Variants in KCNMA1 observed in about 807,000 individuals in gnomAD.
KCNMA1 encodes the protein Calcium-activated potassium channel subunit alpha-1.
In KCNMA1, 29 loss-of-function variants were observed where a neutral mutation model predicts 140.0. The observed-to-expected ratio is 0.21, with a 90% CI of 0.15 to 0.28. KCNMA1 has a LOEUF of 0.28. Among genes scored for constraint, KCNMA1 ranks in the 10% least tolerant of loss-of-function variants. The pLI, the probability that KCNMA1 is intolerant of heterozygous loss-of-function variation, is 1.00. For missense variants in KCNMA1, 880 were observed against 1,602.2 expected, an observed-to-expected ratio of 0.55 and a Z score of 7.70; for synonymous variants, 612 against 611.9, an observed-to-expected ratio of 1.00 and a Z score of 0.00.
intron 1 of KCNMA1, among the ~76,000 whole-genome samples, chr10:77,442,962 C>T (rs945008535): frequency 1.3e-5 from 2 of 152,190 alleles, no homozygotes; most frequent in Admixed American, 6.5e-5. Context: ...TCCCTCACTC[C>T]GCATAGGTGG....
intron 5 of KCNMA1, among the ~76,000 whole-genome samples, chr10:77,132,954 C>A (rs530659738): frequency 5.9e-5 from 9 of 151,732 alleles, no homozygotes; most frequent in Admixed American, 3.9e-4. Context: ...AACAATGATC[C>A]AAAATTAAAA....
chr10:77,060,196 G>A (rs1436604532), intron 14 of KCNMA1, among the ~76,000 whole-genome samples: 2 of 152,066 alleles, frequency 1.3e-5, no homozygotes, highest in Non-Finnish European at 2.9e-5. Flanking sequence ...TTTTTTTTAG[G>A]TATAGGCAAG....
intron 1 of KCNMA1, among the ~76,000 whole-genome samples, chr10:77,455,757 G>C (rs528581955): frequency 6.6e-6 from 1 of 152,268 alleles, no homozygotes; most frequent in Admixed American, 6.5e-5. Context: ...CCCTGGGCCA[G>C]AGCAGAGAGC....
intron 19 of KCNMA1, chr10:76,979,681 C>A (rs1417701721): frequency 2.6e-5 from 4 of 152,140 alleles, no homozygotes; most frequent in African/African-American, 7.2e-5. Context: ...ATACAAACCA[C>A]TATTATTATT....
At chr10:77,272,459 C>T (rs1446670559) in intron 2 of KCNMA1, among the ~76,000 whole-genome samples, 1 of 152,140 alleles carries the variant, frequency 6.6e-6, no homozygotes, top group African/African-American at 2.4e-5. Flanking sequence ...CCCAACTAGA[C>T]AATAAGCCCC....
intron 1 of KCNMA1, among the ~76,000 whole-genome samples, chr10:77,508,581 C>CTTTTTTTTTT (rs761735012): frequency 6.0e-5 from 6 of 99,872 alleles, no homozygotes; most frequent in East Asian, 3.7e-4. Context: ...TTTTTCTTTT[C>CTTTTTTTTTT]TTTTTTTTTT....
At chr10:77,631,105 CCAAAAAAAA>C (rs1451144724) in intron 1 of KCNMA1, among the ~76,000 whole-genome samples, 58 of 90,150 alleles carry the variant, frequency 6.4e-4, no homozygotes, top group Non-Finnish European at 1.0e-3. Context: ...AGACCCTGTC[CCAAAAAAAA>C]AAAAAAAAAA....
At chr10:77,595,346 CAAAAAAAAAAAAA>C (rs138290466) in intron 1 of KCNMA1, among the ~76,000 whole-genome samples, 9 of 58,226 alleles carry the variant, frequency 1.5e-4, no homozygotes, top group South Asian at 1.1e-3. Flanking sequence ...GACTCTGTCT[CAAAAAAAAAAAAA>C]AAAAAAAAAA....
intron 2 of KCNMA1, among the ~76,000 whole-genome samples, chr10:77,280,583 G>A (rs1228142958): frequency 6.6e-6 from 1 of 152,158 alleles, no homozygotes; most frequent in African/African-American, 2.4e-5. Context: ...CTGGAGTGCA[G>A]TGGCACAATC....
At chr10:76,956,325 A>T (rs1337971268) in intron 20 of KCNMA1, among the ~76,000 whole-genome samples, 2 of 152,206 alleles carry the variant, frequency 1.3e-5, no homozygotes, top group Non-Finnish European at 2.9e-5. Flanking sequence ...ACTGGAGCTC[A>T]AGCCATGGTT....
intron 3 of KCNMA1, among the ~76,000 whole-genome samples, chr10:77,236,062 G>T (rs1237805552): frequency 6.6e-6 from 1 of 152,138 alleles, no homozygotes; most frequent in East Asian, 1.9e-4. Context: ...ACCTCCAGGG[G>T]AGCAGGGGAC....
chr10:77,353,762 G>C (rs911379917), intron 2 of KCNMA1, among the ~76,000 whole-genome samples: 1 of 152,104 alleles, frequency 6.6e-6, no homozygotes, highest in African/African-American at 2.4e-5. Flanking sequence ...AAGTTGGAAG[G>C]CCAAATGACA....
intron 6 of KCNMA1, among the ~76,000 whole-genome samples, chr10:77,116,288 G>A (rs1024646633): frequency 3.9e-5 from 6 of 152,140 alleles, no homozygotes; most frequent in Non-Finnish European, 8.8e-5. Context: ...TGATAGGTCA[G>A]GCACAGGATT....
At chr10:77,364,725 T>C (rs943735525) in intron 2 of KCNMA1, among the ~76,000 whole-genome samples, 2 of 152,178 alleles carry the variant, frequency 1.3e-5, no homozygotes, top group South Asian at 2.1e-4. Flanking sequence ...CCTGAATGGG[T>C]AGCCAGTCTA....
chr10:76,960,151 G>C (rs552474311), intron 20 of KCNMA1, among the ~76,000 whole-genome samples: 1 of 152,214 alleles, frequency 6.6e-6, no homozygotes, highest in African/African-American at 2.4e-5. Context: ...CCACTTATGT[G>C]AATGATTAGC....
chr10:77,427,717 A>T (rs375070770), intron 1 of KCNMA1, among the ~76,000 whole-genome samples: 1,711 of 61,394 alleles, frequency 0.028, 13 homozygotes, highest in South Asian at 0.037. Flanking sequence ...GCATCCATCC[A>T]TTCATTTATT....
At chr10:77,439,338 A>T (rs2097344763) in intron 1 of KCNMA1, among the ~76,000 whole-genome samples, 1 of 152,218 alleles carries the variant, frequency 6.6e-6, no homozygotes, top group Non-Finnish European at 1.5e-5. Context: ...CAACCTAGAA[A>T]GTACGTTAGA....
chr10:76,983,788 C>T (rs181153616), intron 19 of KCNMA1, among the ~76,000 whole-genome samples: 7 of 151,688 alleles, frequency 4.6e-5, no homozygotes, highest in Non-Finnish European at 1.0e-4. Flanking sequence ...GTGAGTCATC[C>T]TGAGACATAT....
intron 3 of KCNMA1, among the ~76,000 whole-genome samples, chr10:77,201,416 G>C (rs552337209): frequency 6.6e-6 from 1 of 152,262 alleles, no homozygotes; most frequent in African/African-American, 2.4e-5. Flanking sequence ...ATGGACTTAC[G>C]GAGAAGACAA....
Sources: gnomAD v4.1 joint callset for allele counts (sites outside exome capture counted in the v4.1 genomes callset) on GRCh38, gnomAD v4.1.1 for gene constraint, MANE v1.5 for transcripts, NCBI Gene and HGNC (gene_info 2026-07-23, HGNC 2026-07-21) for gene names.